The following VAV3 variants were observed in gnomAD, a reference collection of about 807,000 sequenced individuals.
VAV3 encodes guanine nucleotide exchange factor VAV3.
VAV3 carries 94 observed loss-of-function variants against 131.2 expected under a neutral mutation model. The ratio of observed to expected loss-of-function variants is 0.72; its 90% CI spans 0.61 to 0.85. The LOEUF is 0.85. VAV3 is among the 40% of genes least tolerant of loss of function. The pLI is 0.00. For synonymous variants in VAV3, 349 were observed against 342.0 expected (o/e 1.02, Z -0.22); for missense variants, 939 against 1,002.7 (o/e 0.94, Z 0.86).
At chr1:107,918,398 C>T (rs1410893562) in intron 1 of VAV3, among the ~76,000 whole-genome samples, 1 of 152,130 alleles carries the variant, frequency 6.6e-6, no homozygotes, top group Non-Finnish European at 1.5e-5. Flanking sequence ...GAACACAACA[C>T]AGACAAGTCT....
intron 24 of VAV3, among the ~76,000 whole-genome samples, chr1:107,598,775 A>G (rs939134330): frequency 1.3e-5 from 2 of 149,904 alleles, no homozygotes; most frequent in Admixed American, 6.7e-5. Context: ...TAAAATATAA[A>G]GCAAAATTTT....
intron 1 of VAV3, among the ~76,000 whole-genome samples, chr1:107,923,246 C>T (rs909980546): frequency 6.6e-6 from 1 of 151,972 alleles, no homozygotes; most frequent in Non-Finnish European, 1.5e-5. Context: ...ATTGCTTAAC[C>T]CCCAACTAAT....
chr1:107,925,192 G>C (rs995766736), intron 1 of VAV3, among the ~76,000 whole-genome samples: 1 of 152,120 alleles, frequency 6.6e-6, no homozygotes, highest in Non-Finnish European at 1.5e-5. Context: ...TCTTAGCGTT[G>C]ACGGTCAAGA....
chr1:107,618,826 C>T (rs1053267018), intron 20 of VAV3, among the ~76,000 whole-genome samples: 8 of 152,262 alleles, frequency 5.3e-5, no homozygotes, highest in East Asian at 3.9e-4. Context: ...GACAGTGGGA[C>T]TTAAATATAA....
intron 1 of VAV3, among the ~76,000 whole-genome samples, chr1:107,899,768 T>C (rs1348964954): frequency 6.6e-6 from 1 of 152,226 alleles, no homozygotes; most frequent in Admixed American, 6.5e-5. Context: ...TGAAGTAACA[T>C]GCCTAAAGCC....
At position 107,965,079 on chromosome 1, in the gene VAV3, G is replaced by A. The variant is rs1347723137; in HGVS notation, c.-210C>T. The A allele has an allele frequency of 1.2e-5, 2 of 169,548 alleles. No individual in the cohort carries two copies. The highest frequency in any genetic ancestry group is 4.8e-5 in the African/African-American group (2 of 41,286). 10.5% of individuals were successfully genotyped at this position (169,548 alleles called of 1,614,324 possible). On this transcript the variant is annotated 5_prime_UTR_variant, in exon 1 of 27. Coordinates refer to ENST00000370056, the MANE Select transcript of VAV3 (RefSeq NM_006113.5). ...TCCCGGCCCGGGTGCGCCGCGACCC[G>A]GCCGCCGCTGCAGCGAGTCCCGCGC...
intron 25 of VAV3, among the ~76,000 whole-genome samples, chr1:107,593,912 C>T (rs1217905523): frequency 6.6e-6 from 1 of 152,032 alleles, no homozygotes; most frequent in East Asian, 1.9e-4. Context: ...GTTGTAGAGT[C>T]AGCAGTAACT....
intron 20 of VAV3, among the ~76,000 whole-genome samples, chr1:107,637,847 A>T (rs956525505): frequency 3.9e-5 from 6 of 152,246 alleles, no homozygotes; most frequent in African/African-American, 1.2e-4. Context: ...ATGAAAATGA[A>T]ACAATATATA....
Position 107,827,062 on chromosome 1 carries a change from T to C in VAV3, c.322-47570A>G, listed in dbSNP as rs568863949. ...TAATAGTTTCTCATACTTTCTTTCA[T>C]GTATTTTTTGTCTTCTCCACAAAAT... On this transcript the variant is annotated intron_variant, in intron 2 of 26. Coordinates refer to ENST00000370056, the MANE Select transcript of VAV3 (RefSeq NM_006113.5). Among the ~76,000 whole-genome samples, 73 of 152,344 alleles carry C rather than the reference T, an allele frequency of 4.8e-4. 2 individuals carry two copies. In the South Asian group the frequency reaches 0.013, roughly 26 times the overall value.
chr1:107,661,791 T>G (rs537741300), intron 19 of VAV3, among the ~76,000 whole-genome samples: 18 of 152,298 alleles, frequency 1.2e-4, no homozygotes, highest in African/African-American at 4.1e-4. Context: ...ATTCTCTATT[T>G]CAAATAAGGA....
intron 15 of VAV3, among the ~76,000 whole-genome samples, chr1:107,732,775 T>C (rs1662335163): frequency 6.6e-6 from 1 of 152,080 alleles, no homozygotes; most frequent in Admixed American, 6.5e-5. Context: ...ACTCCACCTC[T>C]GGGGGCAGGG....
chr1:107,750,531 A>G (rs1663649220), intron 13 of VAV3, among the ~76,000 whole-genome samples: 1 of 152,168 alleles, frequency 6.6e-6, no homozygotes, highest in Non-Finnish European at 1.5e-5. Flanking sequence ...GGACCTATGG[A>G]GCCAGGGTTA....
intron 1 of VAV3, among the ~76,000 whole-genome samples, chr1:107,932,876 A>G (rs1010513674): frequency 2.6e-5 from 4 of 152,200 alleles, no homozygotes; most frequent in African/African-American, 9.6e-5. Flanking sequence ...GAAGCCTCTT[A>G]AAAAAACTAG....
At chr1:107,664,691 G>A (rs1284609162) in intron 19 of VAV3, among the ~76,000 whole-genome samples, 3 of 152,010 alleles carry the variant, frequency 2.0e-5, no homozygotes, top group Non-Finnish European at 4.4e-5. Context: ...GAAAGTAGAT[G>A]TGCACCCAGA....
At chr1:107,752,212 A>G (rs1663776073) in intron 12 of VAV3, among the ~76,000 whole-genome samples, 1 of 152,232 alleles carries the variant, frequency 6.6e-6, no homozygotes, top group Admixed American at 6.5e-5. Flanking sequence ...ATGATTTCCA[A>G]CAAGGTTAAC....
intron 1 of VAV3, among the ~76,000 whole-genome samples, chr1:107,906,007 T>C (rs563292413): frequency 6.6e-6 from 1 of 152,284 alleles, no homozygotes; most frequent in African/African-American, 2.4e-5. Context: ...CACCAGAATG[T>C]TGAGATTACC....
intron 2 of VAV3, among the ~76,000 whole-genome samples, chr1:107,810,377 T>C (rs1667259352): frequency 6.6e-6 from 1 of 152,176 alleles, no homozygotes; most frequent in African/African-American, 2.4e-5. Flanking sequence ...TGTTTTCTTC[T>C]TGGAACCAGA....
chr1:107,751,039 G>A, intron 13 of VAV3, 78 bp downstream of exon 13: 1 of 1,396,910 alleles, frequency 7.2e-7, no homozygotes, highest in Non-Finnish European at 9.9e-7. Context: ...ACTTCACACT[G>A]GAAAAATTGT....
chr1:107,774,661 CACTGT>C (rs1665235752), intron 4 of VAV3, among the ~76,000 whole-genome samples: 1 of 152,144 alleles, frequency 6.6e-6, no homozygotes, highest in Non-Finnish European at 1.5e-5. Context: ...ACTAAAAGGA[CACTGT>C]ACAGTGTAGC....
Sources: gnomAD v4.1 joint callset for allele counts (sites outside exome capture counted in the v4.1 genomes callset) on GRCh38, gnomAD v4.1.1 for gene constraint, MANE v1.5 for transcripts, NCBI Gene and HGNC (gene_info 2026-07-23, HGNC 2026-07-21) for gene names.